The following MECOM variants were observed in gnomAD, a reference collection of about 807,000 sequenced individuals.
MECOM encodes the protein MDS1 and EVI1 complex locus.
Under a neutral mutation model 116.3 loss-of-function variants are expected in MECOM, and 13 were observed. That is an observed-to-expected ratio of 0.11 (90% CI 0.07 to 0.18). MECOM has a LOEUF of 0.18. Ranked by LOEUF, MECOM falls within the 10% of genes least tolerant of loss-of-function variation. The probability of loss-of-function intolerance (pLI) is 1.00; values close to 1 mark genes in which losing one functional copy is unlikely to be tolerated. For missense variants in MECOM, 1,299 were observed against 1,509.0 expected (o/e 0.86, Z 2.31); for synonymous variants, 528 against 535.2 (o/e 0.99, Z 0.19).
At chr3:169,126,853 C>T (rs560057442) in intron 5 of MECOM, among the ~76,000 whole-genome samples, 1 of 151,918 alleles carries the variant, frequency 6.6e-6, no homozygotes, top group Admixed American at 6.6e-5. Flanking sequence ...GGAAAGGAAA[C>T]AAAAGGGTAA....
intron 3 of MECOM, among the ~76,000 whole-genome samples, chr3:169,134,422 G>T (rs1270483965): frequency 2.0e-5 from 3 of 152,108 alleles, no homozygotes; most frequent in Non-Finnish European, 4.4e-5. Flanking sequence ...GCCATGAAAG[G>T]CAAAGAAAAG....
intron 1 of MECOM, among the ~76,000 whole-genome samples, chr3:169,529,830 C>G (rs549474740): frequency 1.3e-5 from 2 of 152,190 alleles, no homozygotes; most frequent in Non-Finnish European, 2.9e-5. Context: ...CCTGCCTTCT[C>G]TTCATCTTCT....
At chr3:169,212,465 A>G (rs1358349751) in intron 2 of MECOM, among the ~76,000 whole-genome samples, 1 of 150,880 alleles carries the variant, frequency 6.6e-6, no homozygotes, top group African/African-American at 2.4e-5. Flanking sequence ...AAAAAAAAAA[A>G]GCTAAACTGC....
intron 2 of MECOM, among the ~76,000 whole-genome samples, chr3:169,194,253 G>A (rs1748106083): frequency 6.6e-6 from 1 of 151,920 alleles, no homozygotes; most frequent in Non-Finnish European, 1.5e-5. Flanking sequence ...TCATAGGTGG[G>A]AATTGAACAA....
At chr3:169,101,734 G>C (rs1723612119) in intron 11 of MECOM, among the ~76,000 whole-genome samples, 1 of 152,096 alleles carries the variant, frequency 6.6e-6, no homozygotes, top group African/African-American at 2.4e-5. Flanking sequence ...TATGCTTGAG[G>C]ACAGTAGTAG....
Position 169,268,747 on chromosome 3 carries a change from G to C in MECOM, c.375+112440C>G, listed in dbSNP as rs753786388. Among the ~76,000 whole-genome samples the C allele has an allele frequency of 2.2e-4, 34 of 152,196 alleles. 1 individual carries two copies. The highest frequency in any genetic ancestry group is 8.8e-5 in the Non-Finnish European group (6 of 68,024). On this transcript the variant is annotated intron_variant, in intron 2 of 16. Transcript: ENST00000651503. ...ATTACCTACCAAACAGATGCCAGTA[G>C]TATGTAGACGTCTTCCCTATAGCCA...
chr3:169,357,782 A>G (rs1284452614), intron 2 of MECOM, among the ~76,000 whole-genome samples: 1 of 151,818 alleles, frequency 6.6e-6, no homozygotes, highest in Non-Finnish European at 1.5e-5. Flanking sequence ...TAAGGAAAAG[A>G]AAAGATAAAT....
intron 1 of MECOM, among the ~76,000 whole-genome samples, chr3:169,660,732 G>T (rs537011626): frequency 1.1e-4 from 16 of 152,274 alleles, no homozygotes; most frequent in South Asian, 2.1e-4. Flanking sequence ...TGATTGCACC[G>T]CAGGGGTCAC....
At chr3:169,518,547 A>G (rs540426719) in intron 1 of MECOM, among the ~76,000 whole-genome samples, 2 of 152,262 alleles carry the variant, frequency 1.3e-5, no homozygotes, top group South Asian at 2.1e-4. Context: ...AAAGCTTCAT[A>G]TATATAAAAC....
intron 1 of MECOM, among the ~76,000 whole-genome samples, chr3:169,657,434 G>A (rs903787842): frequency 1.3e-5 from 2 of 152,172 alleles, no homozygotes; most frequent in African/African-American, 4.8e-5. Context: ...AATGTAATAA[G>A]ATGCTGTAGC....
At chr3:169,498,982 C>T (rs1418810244) in intron 1 of MECOM, among the ~76,000 whole-genome samples, 1 of 151,912 alleles carries the variant, frequency 6.6e-6, no homozygotes, top group Non-Finnish European at 1.5e-5. Context: ...AAACTGCACA[C>T]AGCTGAAGGG....
intron 2 of MECOM, among the ~76,000 whole-genome samples, chr3:169,211,594 G>T (rs1750738994): frequency 6.6e-6 from 1 of 152,050 alleles, no homozygotes; most frequent in South Asian, 2.1e-4. Context: ...TTTCTAATTT[G>T]CTTCCTATTT....
chr3:169,571,440 C>T (rs917465467), intron 1 of MECOM, among the ~76,000 whole-genome samples: 25 of 152,176 alleles, frequency 1.6e-4, no homozygotes, highest in African/African-American at 5.8e-4. Context: ...AGATTCAATG[C>T]TATCCCCATC....
At chr3:169,211,892 C>A (rs1026309600) in intron 2 of MECOM, among the ~76,000 whole-genome samples, 1 of 152,074 alleles carries the variant, frequency 6.6e-6, no homozygotes, top group Non-Finnish European at 1.5e-5. Context: ...TAGTACGGAA[C>A]TTTTGAAGTA....
intron 1 of MECOM, among the ~76,000 whole-genome samples, chr3:169,640,073 C>T (rs1288251756): frequency 6.6e-6 from 1 of 152,012 alleles, no homozygotes; most frequent in African/African-American, 2.4e-5. Flanking sequence ...GTGTATTGGT[C>T]AGAGCAAACC....
At chr3:169,434,174 A>T (rs185885971) in intron 1 of MECOM, among the ~76,000 whole-genome samples, 70 of 152,336 alleles carry the variant, frequency 4.6e-4, no homozygotes, top group Middle Eastern at 3.4e-3. Context: ...TGAGATACTA[A>T]ACAAATATAC....
intron 2 of MECOM, among the ~76,000 whole-genome samples, chr3:169,237,597 A>G (rs1754226494): frequency 8.3e-6 from 1 of 120,630 alleles, no homozygotes; most frequent in Admixed American, 1.1e-4. Context: ...TGCTAACTGC[A>G]ATGTCTCCAT....
At chr3:169,452,420 T>C (rs886557285) in intron 1 of MECOM, among the ~76,000 whole-genome samples, 4 of 152,220 alleles carry the variant, frequency 2.6e-5, no homozygotes, top group Admixed American at 6.5e-5. Flanking sequence ...GGATCAATGT[T>C]GATATTATTA....
chr3:169,414,836 AAAG>A (rs1442182002), intron 1 of MECOM, among the ~76,000 whole-genome samples: 2 of 152,214 alleles, frequency 1.3e-5, no homozygotes, highest in African/African-American at 2.4e-5. Flanking sequence ...ATTAGAGAAA[AAAG>A]AATAAAAAGG....
Sources: allele counts gnomAD v4.1 joint callset (sites outside exome capture counted in the v4.1 genomes callset), GRCh38; gene constraint gnomAD v4.1.1; transcripts MANE v1.5; gene names NCBI Gene and HGNC (gene_info 2026-07-23, HGNC 2026-07-21).